FMNL2: variants seen among roughly 807,000 people sequenced by gnomAD.
The protein encoded by FMNL2 is formin like 2, also known as formin-like protein 2.
FMNL2 carries 51 observed loss-of-function variants against 130.2 expected under a neutral mutation model. That is an observed-to-expected ratio of 0.39 (90% CI 0.31 to 0.49). FMNL2 has a LOEUF of 0.49. FMNL2 is among the 20% of genes least tolerant of loss of function. FMNL2 has a pLI of 0.85. For missense variants in FMNL2, 977 were observed against 1,316.2 expected (o/e 0.74, Z 3.99); for synonymous variants, 465 against 467.1 (o/e 1.00, Z 0.06).
At chr2:152,454,033 G>C (rs900047663) in intron 1 of FMNL2, among the ~76,000 whole-genome samples, 1 of 152,194 alleles carries the variant, frequency 6.6e-6, no homozygotes, top group Admixed American at 6.5e-5. Flanking sequence ...AGCACTTCGG[G>C]AGGCTGAGGT....
chr2:152,389,661 G>T (rs555862471), intron 1 of FMNL2, among the ~76,000 whole-genome samples: 2 of 152,356 alleles, frequency 1.3e-5, no homozygotes, highest in East Asian at 3.9e-4. Flanking sequence ...TCAGGACGTG[G>T]ATCCGAGCCG....
At chr2:152,571,207 C>G (rs977294795) in intron 6 of FMNL2, among the ~76,000 whole-genome samples, 2 of 152,170 alleles carry the variant, frequency 1.3e-5, no homozygotes, top group African/African-American at 2.4e-5. Context: ...TCTCCCTTCT[C>G]TGAGATTTGA....
At chr2:152,485,956 A>C (rs1181722628) in intron 1 of FMNL2, among the ~76,000 whole-genome samples, 1 of 152,178 alleles carries the variant, frequency 6.6e-6, no homozygotes, top group Non-Finnish European at 1.5e-5. Context: ...TCTGAAAAAG[A>C]ATATTTAGAG....
At chr2:152,345,382 A>G (rs1300636730) in intron 1 of FMNL2, among the ~76,000 whole-genome samples, 1 of 152,238 alleles carries the variant, frequency 6.6e-6, no homozygotes, top group African/African-American at 2.4e-5. Flanking sequence ...TTGGCATAGA[A>G]GGAAGCATTA....
At chr2:152,620,180 G>T (rs1302053936) in intron 15 of FMNL2, among the ~76,000 whole-genome samples, 1 of 151,804 alleles carries the variant, frequency 6.6e-6, no homozygotes, top group Admixed American at 6.6e-5. Flanking sequence ...ATGTGTAATT[G>T]CCTGACGTAG....
intron 15 of FMNL2, among the ~76,000 whole-genome samples, 154 bp downstream of exon 15, chr2:152,619,872 ACAT>A (rs1699159052): frequency 6.6e-6 from 1 of 152,046 alleles, no homozygotes. Flanking sequence ...GATAGAGGGA[ACAT>A]CATCACGCAT....
At chr2:152,578,988 A>T in intron 8 of FMNL2, 24 bp downstream of exon 8, 1 of 1,591,350 alleles carries the variant, frequency 6.3e-7, no homozygotes, top group Non-Finnish European at 8.6e-7. Context: ...GTAGTACGCA[A>T]GTCTAAATCT....
chr2:152,628,364 A>G lies in FMNL2; in HGVS notation c.2231A>G (p.Asn744Ser), dbSNP rs754245048. 8.1e-6 allele frequency: 13 copies of G among 1,613,940 alleles called. No homozygotes were observed. Among genetic ancestry groups the G allele is most frequent in the South Asian group, 1.1e-5 (1 of 91,084 alleles). ...TTGATGCGGTTCCTACCAACTGAGA[A>G]TGAAGTGAAAGTGCTTCGGCTCTAC... ...ECLMRFLPTE[N>S]EVKVLRLYER... The change falls in exon 18 of 26, where the codon AAT (asparagine) becomes AGT (serine). Residue 744 changes from asparagine (N) to serine (S), a missense_variant. By Grantham distance (46) the Asn-to-Ser change is conservative. This residue lies in a region of FMNL2 where 689 missense variants were observed against 995.9 expected (regional missense o/e 0.69). Transcript: ENST00000288670.
chr2:152,629,531 C>A, intron 18 of FMNL2, 125 bp from the exon 19 acceptor site: 1 of 802,208 alleles, frequency 1.2e-6, no homozygotes, highest in Non-Finnish European at 2.0e-6. Context: ...AGTAGACTCT[C>A]ACCATGAAGC....
intron 1 of FMNL2, among the ~76,000 whole-genome samples, chr2:152,357,591 G>A (rs1328423111): frequency 3.3e-5 from 4 of 119,720 alleles, no homozygotes; most frequent in African/African-American, 9.3e-5. Flanking sequence ...AATGTATAAC[G>A]ATAAATATTA....
intron 9 of FMNL2, among the ~76,000 whole-genome samples, chr2:152,586,924 C>T (rs553471401): frequency 2.0e-5 from 3 of 152,242 alleles, no homozygotes; most frequent in African/African-American, 7.2e-5. Context: ...GGGATTGTCT[C>T]TTCTTTGTTT....
At chr2:152,514,517 C>T (rs1317838666) in intron 1 of FMNL2, among the ~76,000 whole-genome samples, 3 of 152,124 alleles carry the variant, frequency 2.0e-5, no homozygotes, top group Non-Finnish European at 4.4e-5. Flanking sequence ...CGTGTACTTA[C>T]TTTTGTACTA....
intron 1 of FMNL2, among the ~76,000 whole-genome samples, chr2:152,399,848 C>T (rs955739045): frequency 6.6e-6 from 1 of 152,054 alleles, no homozygotes; most frequent in African/African-American, 2.4e-5. Context: ...TTCTATGTGG[C>T]AGGTGGAGTG....
chr2:152,532,038 C>T (rs1189136656), intron 2 of FMNL2, among the ~76,000 whole-genome samples: 1 of 151,952 alleles, frequency 6.6e-6, no homozygotes, highest in Non-Finnish European at 1.5e-5. Flanking sequence ...AATTGTGGTG[C>T]AATTACCATA....
rs780885741 is a variant in FMNL2, at chr2:152,648,880, T to G, written c.*975T>G. On this transcript the variant is annotated 3_prime_UTR_variant, in exon 26 of 26. Coordinates refer to ENST00000288670, the MANE Select transcript of FMNL2 (RefSeq NM_052905.4). ...TAAGTTTTTCATGCATTTCCCAGAC[T>G]ACTTATGGAGAATTGCAGTTTAAGT... The G allele has an allele frequency of 2.0e-5, 3 of 152,606 alleles. No individual in the cohort carries two copies. The highest frequency in any genetic ancestry group is 4.4e-5 in the Non-Finnish European group (3 of 68,040). 9.5% of individuals were successfully genotyped at this position (152,606 alleles called of 1,614,324 possible). A position where few individuals can be genotyped will look rare whatever the true frequency, so the allele number is the denominator to read the frequency against.
At chr2:152,498,212 G>A (rs1289847083) in intron 1 of FMNL2, among the ~76,000 whole-genome samples, 1 of 152,110 alleles carries the variant, frequency 6.6e-6, no homozygotes, top group Non-Finnish European at 1.5e-5. Context: ...AGGAATCTTG[G>A]AGGCTATCTT....
intron 1 of FMNL2, among the ~76,000 whole-genome samples, chr2:152,362,912 T>C (rs2105823120): frequency 6.6e-6 from 1 of 152,284 alleles, no homozygotes; most frequent in South Asian, 2.1e-4. Flanking sequence ...CAAACTACGC[T>C]ATGTCAAAGA....
At chr2:152,563,241 G>A (rs1695632966) in intron 6 of FMNL2, among the ~76,000 whole-genome samples, 1 of 152,144 alleles carries the variant, frequency 6.6e-6, no homozygotes, top group Non-Finnish European at 1.5e-5. Context: ...TGATGTTTCT[G>A]GTTGGCAGGT....
intron 1 of FMNL2, among the ~76,000 whole-genome samples, chr2:152,488,058 G>A (rs1407944448): frequency 6.6e-6 from 1 of 152,190 alleles, no homozygotes; most frequent in Non-Finnish European, 1.5e-5. Context: ...GGGATTACAG[G>A]TGTGAGCCAC....
Sources: gnomAD v4.1 joint callset for allele counts (sites outside exome capture counted in the v4.1 genomes callset) on GRCh38, gnomAD v4.1.1 for gene constraint, gnomAD v4.1.1 regional missense constraint, MANE v1.5 for transcripts, NCBI Gene and HGNC (gene_info 2026-07-23, HGNC 2026-07-21) for gene names.